Variants in RNF130 observed in about 807,000 individuals in gnomAD.
RNF130 encodes the protein E3 ubiquitin-protein ligase RNF130.
In RNF130, 21 loss-of-function variants were observed where a neutral mutation model predicts 44.6. The observed-to-expected ratio is 0.47, with a 90% CI of 0.33 to 0.68. The LOEUF (loss-of-function observed/expected upper bound fraction) is 0.68. RNF130 is among the 30% of genes least tolerant of loss of function. The pLI is 0.02. For missense variants in RNF130, 479 were observed against 560.6 expected, an observed-to-expected ratio of 0.85 and a Z score of 1.47; for synonymous variants, 214 against 210.4, an observed-to-expected ratio of 1.02 and a Z score of -0.15.
chr5:180,023,784 T>A (rs1763926961), intron 2 of RNF130, among the ~76,000 whole-genome samples: 1 of 152,238 alleles, frequency 6.6e-6, no homozygotes, highest in African/African-American at 2.4e-5. Context: ...AATAATTATG[T>A]AGATACTCTA....
chr5:179,951,532 C>T (rs566322080), downstream of RNF130, among the ~76,000 whole-genome samples: 25 of 152,146 alleles, frequency 1.6e-4, no homozygotes, highest in South Asian at 3.1e-3. Flanking sequence ...TACAGGCGCC[C>T]GCCACCACGC....
intron 8 of RNF130, among the ~76,000 whole-genome samples, chr5:179,962,297 A>C (rs1215491289): frequency 6.6e-6 from 1 of 152,218 alleles, no homozygotes; most frequent in Non-Finnish European, 1.5e-5. Flanking sequence ...ATCTAGCCCC[A>C]GATGAGGTTA....
At chr5:180,058,917 G>A (rs1764905075) in intron 1 of RNF130, among the ~76,000 whole-genome samples, 2 of 152,118 alleles carry the variant, frequency 1.3e-5, no homozygotes, top group South Asian at 4.1e-4. Context: ...TAGATGGGTC[G>A]CACAACAGTG....
At chr5:180,010,058 T>C (rs571972977) in intron 3 of RNF130, among the ~76,000 whole-genome samples, 12 of 151,784 alleles carry the variant, frequency 7.9e-5, no homozygotes, top group South Asian at 2.1e-4. Context: ...CCATCCTGGC[T>C]AACACGGTGA....
intron 7 of RNF130, among the ~76,000 whole-genome samples, chr5:179,925,891 G>A (rs1332938935): frequency 6.6e-6 from 1 of 152,164 alleles, no homozygotes; most frequent in Non-Finnish European, 1.5e-5. Flanking sequence ...CCATATAGAC[G>A]GAGAACGTGC....
chr5:180,009,712 T>C (rs139253744), intron 3 of RNF130, among the ~76,000 whole-genome samples: 1 of 152,288 alleles, frequency 6.6e-6, no homozygotes, highest in Non-Finnish European at 1.5e-5. Context: ...GCCCAAAAAC[T>C]TCACTCTTGG....
chr5:179,986,480 G>C (rs944286561), intron 3 of RNF130, among the ~76,000 whole-genome samples: 3 of 152,212 alleles, frequency 2.0e-5, no homozygotes, highest in Admixed American at 6.5e-5. Flanking sequence ...AACTATGTGA[G>C]AACCACAAGA....
chr5:179,952,141 C>T (rs1013684397), downstream of RNF130, among the ~76,000 whole-genome samples: 3 of 151,794 alleles, frequency 2.0e-5, no homozygotes, highest in Non-Finnish European at 2.9e-5. Flanking sequence ...AAGGCTGCAG[C>T]GAGCTGAGAT....
intron 2 of RNF130, among the ~76,000 whole-genome samples, chr5:180,029,289 C>T (rs57356486): frequency 0.012 from 1,842 of 152,134 alleles, 43 homozygotes; most frequent in African/African-American, 0.042. Flanking sequence ...GCTATGGAAA[C>T]AGTGATCTAT....
chr5:179,986,444 C>G (rs1224286253), intron 3 of RNF130, among the ~76,000 whole-genome samples: 1 of 152,192 alleles, frequency 6.6e-6, no homozygotes, highest in African/African-American at 2.4e-5. Context: ...ATTCAAGATT[C>G]ATGATACTGC....
Position 179,966,804 on chromosome 5 carries a change from A to C in RNF130, c.1150+2T>G. ...TGTGCCTGAGCGGAGGCCCCCACTTACTTGTTACTGCAATGTTGATTTCTC... is the reference window on the plus strand; with the variant it reads ...TGTGCCTGAGCGGAGGCCCCCACTTCCTTGTTACTGCAATGTTGATTTCTC... On this transcript the variant is annotated splice_donor_variant, in intron 7 of 8. Coordinates refer to ENST00000521389, the MANE Select transcript of RNF130 (RefSeq NM_018434.6). LOFTEE classifies it high-confidence loss of function. The C allele has an allele frequency of 6.2e-7, 1 of 1,612,438 alleles. No homozygotes were observed. The highest frequency in any genetic ancestry group is 8.5e-7 in the Non-Finnish European group (1 of 1,179,334).
chr5:180,002,385 G>C (rs1053670075), intron 3 of RNF130, among the ~76,000 whole-genome samples: 9 of 152,346 alleles, frequency 5.9e-5, no homozygotes, highest in African/African-American at 1.9e-4. Flanking sequence ...TTTGGTGGCA[G>C]CTTAGCCTTA....
At chr5:180,005,103 A>C (rs1763432721) in intron 3 of RNF130, among the ~76,000 whole-genome samples, 1 of 152,128 alleles carries the variant, frequency 6.6e-6, no homozygotes, top group Non-Finnish European at 1.5e-5. Context: ...CTCGCACCAG[A>C]AAAGAATTGT....
chr5:180,034,472 C>T (rs180832889), intron 2 of RNF130, among the ~76,000 whole-genome samples: 143 of 152,124 alleles, frequency 9.4e-4, no homozygotes, highest in Non-Finnish European at 1.3e-3. Context: ...ATAGACTGCA[C>T]CAGCGAATTT....
chr5:179,932,472 C>T (rs571771795), intron 7 of RNF130, among the ~76,000 whole-genome samples: 1 of 151,082 alleles, frequency 6.6e-6, no homozygotes, highest in East Asian at 2.0e-4. Context: ...ATTGGTCAGG[C>T]TGGTCTCAAA....
intron 7 of RNF130, among the ~76,000 whole-genome samples, chr5:179,938,630 A>C (rs973609783): frequency 6.6e-6 from 1 of 152,194 alleles, no homozygotes; most frequent in Non-Finnish European, 1.5e-5. Flanking sequence ...TTACATTTTA[A>C]AACCTAAGCT....
At position 179,970,398 on chromosome 5, in the gene RNF130, T is replaced by C. The variant is rs772184374; in HGVS notation, c.945+12A>G. The C allele has an allele frequency of 8.2e-6, 13 of 1,590,698 alleles. No homozygotes were observed. Among genetic ancestry groups the C allele is most frequent in the Middle Eastern group, 1.7e-4 (1 of 6,040 alleles). On this transcript the variant is annotated intron_variant, in intron 6 of 8. Coordinates refer to ENST00000521389, the MANE Select transcript of RNF130 (RefSeq NM_018434.6). ...TATACAAAAGTGGTAACAAATAAAATAGGAAACGTACCACAATTCCCAGGG... is the reference window on the plus strand; with the variant it reads ...TATACAAAAGTGGTAACAAATAAAACAGGAAACGTACCACAATTCCCAGGG...
intron 2 of RNF130, among the ~76,000 whole-genome samples, chr5:180,029,876 T>C (rs1220904954): frequency 6.8e-6 from 1 of 146,546 alleles, no homozygotes; most frequent in Non-Finnish European, 1.5e-5. Context: ...TGAGACAAGG[T>C]CTTGCTTTGT....
At chr5:180,028,729 T>C (rs1764051848) in intron 2 of RNF130, among the ~76,000 whole-genome samples, 1 of 152,194 alleles carries the variant, frequency 6.6e-6, no homozygotes. Flanking sequence ...ACAGTGTCCA[T>C]CACAGAATGC....
Sources: gnomAD v4.1 joint callset for allele counts (sites outside exome capture counted in the v4.1 genomes callset) on GRCh38, gnomAD v4.1.1 for gene constraint, MANE v1.5 for transcripts, NCBI Gene and HGNC (gene_info 2026-07-23, HGNC 2026-07-21) for gene names.